Variants in SHKBP1 observed in about 807,000 individuals in gnomAD.
SHKBP1 encodes SH3KBP1-binding protein 1.
Under a neutral mutation model 83.9 loss-of-function variants are expected in SHKBP1, and 71 were observed. The observed-to-expected ratio is 0.85, with a 90% CI of 0.70 to 1.03. The LOEUF is 1.03. Among genes scored for constraint, SHKBP1 ranks in the 50% least tolerant of loss-of-function variants. SHKBP1 has a pLI of 0.00. For synonymous variants in SHKBP1, 371 were observed against 398.0 expected, an observed-to-expected ratio of 0.93 and a Z score of 0.81; for missense variants, 824 against 982.4, an observed-to-expected ratio of 0.84 and a Z score of 2.16.
At chr19:40,584,591 C>G (rs1352010536) in intron 12 of SHKBP1, among the ~76,000 whole-genome samples, 1 of 152,222 alleles carries the variant, frequency 6.6e-6, no homozygotes, top group African/African-American at 2.4e-5. Flanking sequence ...CCACATTTCT[C>G]ACTTCTGATA....
rs775138536 is a variant in SHKBP1 at position 40,590,686 on chromosome 19, A to G, written c.1769-44A>G. 49 of 1,538,740 alleles carry G rather than the reference A, an allele frequency of 3.2e-5. No homozygotes were observed. The highest frequency in any genetic ancestry group is 3.9e-5 in the Non-Finnish European group (45 of 1,140,530). On this transcript the variant is annotated intron_variant, in intron 16 of 17. Transcript: ENST00000291842. The surrounding 1 kb of genome is among the most constrained non-coding windows in gnomAD (Gnocchi z 4.6). ...GCAATGCAACCCAGGCCCTTGCCCT[A>G]TGACCCCTGTCTTGCCCCCTGACCC...
At chr19:40,586,976 A>C (rs1242747330) in intron 13 of SHKBP1, 32 bp downstream of exon 13, 3 of 1,559,688 alleles carry the variant, frequency 1.9e-6, no homozygotes, top group Non-Finnish European at 2.6e-6. Flanking sequence ...CAGTGCTGGG[A>C]GAGACAGCTC....
rs189843080 is a variant in SHKBP1 at position 40,587,523 on chromosome 19, G to A, written c.1336+579G>A. 3.3e-3 allele frequency among the ~76,000 whole-genome samples: 504 copies of A among 152,246 alleles called. 2 individuals carry two copies. The highest frequency in any genetic ancestry group is 0.012 in the African/African-American group (492 of 41,542). On this transcript the variant is annotated intron_variant, in intron 13 of 17. Coordinates refer to ENST00000291842, the MANE Select transcript of SHKBP1 (RefSeq NM_138392.4). ...GGAGAATTGCTTGAACCTGGGAGGCGGAGATTGCAGAGAGCCCAGATCATG... is the reference window on the plus strand; with the variant it reads ...GGAGAATTGCTTGAACCTGGGAGGCAGAGATTGCAGAGAGCCCAGATCATG...
At chr19:40,577,854 C>T in intron 4 of SHKBP1, 1 of 628,578 alleles carries the variant, frequency 1.6e-6, no homozygotes, top group Non-Finnish European at 2.8e-6. Flanking sequence ...CTAGCCTGGG[C>T]AACATAGCGA....
chr19:40,586,800 G>A lies in SHKBP1; in HGVS notation c.1192G>A (p.Ala398Thr), dbSNP rs568981139. The change falls in exon 13 of 18, where the codon GCC becomes ACC. Residue 398 changes from alanine to threonine, a missense_variant. By Grantham distance (58) the Ala-to-Thr change is moderately conservative. This residue lies in a region of SHKBP1 where 182 missense variants were observed against 273.1 expected (regional missense o/e 0.67). Transcript: ENST00000291842. ...TSDSGNWIEIAYGTSSGGVRV... is the reference protein window; with the variant it reads ...TSDSGNWIEITYGTSSGGVRV... ...TGACAGTGGGAACTGGATCGAGATCGCCTATGGCACCAGCTCAGGGGGCGT... is the reference window on the plus strand; with the variant it reads ...TGACAGTGGGAACTGGATCGAGATCACCTATGGCACCAGCTCAGGGGGCGT... 20 of 1,599,942 alleles carry A rather than the reference G, an allele frequency of 1.3e-5. No homozygotes were observed. The highest frequency in any genetic ancestry group is 2.3e-5 in the East Asian group (1 of 43,962).
intron 4 of SHKBP1, chr19:40,577,892 C>A (rs1451430549): frequency 1.6e-6 from 1 of 614,512 alleles, no homozygotes. Context: ...AGCAAACAGG[C>A]AAAACTTCAT....
intron 8 of SHKBP1, 40 bp downstream of exon 8, chr19:40,580,696 G>A: frequency 1.2e-6 from 2 of 1,613,924 alleles, no homozygotes; most frequent in Non-Finnish European, 1.7e-6. Context: ...CAGCCCTGTT[G>A]ATGGGAAGGG....
chr19:40,580,297 T>C, intron 6 of SHKBP1, 27 bp from the exon 7 acceptor site: 1 of 1,596,996 alleles, frequency 6.3e-7, no homozygotes, highest in Non-Finnish European at 8.6e-7. Context: ...ACAATGACTG[T>C]TACTCTACCT....
chr19:40,577,084 T>TCGG, intron 1 of SHKBP1, 99 bp downstream of exon 1: 1 of 975,906 alleles, frequency 1.0e-6, no homozygotes, highest in South Asian at 1.5e-5. Flanking sequence ...CAAGGGTTGC[T>TCGG]CCGCCCCCCC....
At chr19:40,577,714 G>C (rs2081230278) in intron 4 of SHKBP1, 84 bp downstream of exon 4, 1 of 1,462,248 alleles carries the variant, frequency 6.8e-7, no homozygotes, top group Admixed American at 1.7e-5. Context: ...GTCCACGTGA[G>C]CTCCATTCTA....
rs2081315478 is a variant in SHKBP1 at position 40,586,752 on chromosome 19, C to T, written c.1166-22C>T. The T allele has an allele frequency of 1.9e-6, 3 of 1,540,622 alleles. No homozygotes were observed. The East Asian group carries it at 7.2e-5, about 37-fold the overall frequency. ...CTGTCTCTGTGGCCCAGGCCCTCTC[C>T]TCATCCTTGGCCCCTCACCAGGTGA... On this transcript the variant is annotated intron_variant, in intron 12 of 17. Transcript: ENST00000291842.
Position 40,590,927 on chromosome 19 carries a change from G to C in SHKBP1, c.1893-49G>C, listed in dbSNP as rs114424161. On this transcript the variant is annotated intron_variant, in intron 17 of 17. Transcript: ENST00000291842. The surrounding 1 kb of genome is among the most constrained non-coding windows in gnomAD (Gnocchi z 4.6). ...AGCATGGTGTTCCCGGGGACAGAGT[G>C]GCCCAGCTGCCCCGTGATGACGTGC... The C allele has an allele frequency of 3.6e-4, 569 of 1,573,042 alleles. 3 individuals are homozygous for C. In the African/African-American group the frequency reaches 6.9e-3, roughly 19 times the overall value.
chr19:40,588,973 C>A, intron 14 of SHKBP1, 109 bp from the exon 15 acceptor site: 3 of 1,326,802 alleles, frequency 2.3e-6, no homozygotes, highest in Admixed American at 1.9e-5. Flanking sequence ...ACTCTAACAA[C>A]CTGGGGATGG....
Position 40,591,245 on chromosome 19 carries a change from C to G in SHKBP1, c.*38C>G. 6.6e-7 allele frequency: 1 copy of G among 1,514,954 alleles called. No homozygotes were observed. The highest frequency in any genetic ancestry group is 8.9e-7 in the Non-Finnish European group (1 of 1,121,248). The allele number at this position is 1,514,954 out of a possible 1,614,324, so 93.8% of individuals were successfully genotyped here. ...CCATGATGCCTTGGGATGCCCTGGT[C>G]CTGGGGGACTCAGGTGCCTCCCTGA... On this transcript the variant is annotated 3_prime_UTR_variant, in exon 18 of 18. Coordinates refer to ENST00000291842, the MANE Select transcript of SHKBP1 (RefSeq NM_138392.4).
chr19:40,578,495 G>C lies in SHKBP1; in HGVS notation c.353G>C (p.Arg118Pro). 3.7e-6 allele frequency: 6 copies of C among 1,614,102 alleles called. No individual in the cohort carries two copies. The highest frequency in any genetic ancestry group is 1.3e-5 in the African/African-American group (1 of 75,008). Residue 118 changes from arginine (R) to proline (P), a missense_variant, in exon 6 of 18, where the codon CGA (arginine) becomes CCA (proline). Arg to Pro is a moderately radical substitution (Grantham distance 103, BLOSUM62 -2). Around this residue, in one of 3 missense-constraint regions of SHKBP1, gnomAD observed 355 missense variants for 386.4 expected, o/e 0.92. Transcript: ENST00000291842. Reference sequence around the variant, plus strand: ...CTGCAGCTTCGAGAGGAGTTGGATCGATCTTCTTGTGGAAACGTCCTCTTC... The same window carrying C: ...CTGCAGCTTCGAGAGGAGTTGGATCCATCTTCTTGTGGAAACGTCCTCTTC... ...RRLQLREELDRSSCGNVLFNG... is the reference protein window; with the variant it reads ...RRLQLREELDPSSCGNVLFNG...
intron 3 of SHKBP1, 40 bp from the exon 4 acceptor site, chr19:40,577,517 G>A: frequency 6.2e-7 from 1 of 1,614,044 alleles, no homozygotes; most frequent in Non-Finnish European, 8.5e-7. Context: ...ACTCAGTCCT[G>A]CCTTTTACCC....
Position 40,589,478 on chromosome 19 carries a change from G to A in SHKBP1, c.1589+300G>A, listed in dbSNP as rs1425712480. 2.1e-3 allele frequency among the ~76,000 whole-genome samples: 244 copies of A among 118,408 alleles called. 1 individual carries two copies. Among genetic ancestry groups the A allele is most frequent in the African/African-American group, 7.5e-3 (231 of 30,728 alleles). The allele number at this position is 118,408 out of a possible 152,430, so 77.7% of individuals were successfully genotyped here. On this transcript the variant is annotated intron_variant, in intron 15 of 17. Coordinates refer to ENST00000291842, the MANE Select transcript of SHKBP1 (RefSeq NM_138392.4). Reference sequence around the variant, plus strand: ...GGGATGGGGGGCCCAGGCGGAGGGGGAGGGGTGGGATGGGGGCCCAGGGGG... The same window carrying A: ...GGGATGGGGGGCCCAGGCGGAGGGGAAGGGGTGGGATGGGGGCCCAGGGGG...
At chr19:40,579,071 G>A (rs1250671996) in intron 6 of SHKBP1, among the ~76,000 whole-genome samples, 1 of 151,980 alleles carries the variant, frequency 6.6e-6, no homozygotes, top group East Asian at 1.9e-4. Flanking sequence ...TTCCAACTTA[G>A]TTTTATCCTG....
intron 2 of SHKBP1, 53 bp from the exon 3 acceptor site, chr19:40,577,343 C>CTAA: frequency 6.2e-7 from 1 of 1,613,618 alleles, no homozygotes; most frequent in Non-Finnish European, 8.5e-7. Flanking sequence ...CGTGGGAGAC[C>CTAA]TAATATCCAC....
Sources: allele counts gnomAD v4.1 joint callset (sites outside exome capture counted in the v4.1 genomes callset), GRCh38; gene constraint gnomAD v4.1.1; regional missense constraint gnomAD v4.1.1; non-coding constraint Gnocchi (gnomAD v3.1); transcripts MANE v1.5; gene names NCBI Gene and HGNC (gene_info 2026-07-23, HGNC 2026-07-21).